LINGO2: variants seen among roughly 807,000 people sequenced by gnomAD.
LINGO2 encodes the protein leucine rich repeat and Ig domain containing 2, also known as leucine-rich repeat and immunoglobulin-like domain-containing nogo receptor-interacting protein 2.
LINGO2 carries 14 observed loss-of-function variants against 30.6 expected under a neutral mutation model. That is an observed-to-expected ratio of 0.46 (90% CI 0.30 to 0.72). The LOEUF is 0.72. LINGO2 is among the 30% of genes least tolerant of loss of function. LINGO2 has a pLI of 0.07. For missense variants in LINGO2, 729 were observed against 751.7 expected (o/e 0.97, Z 0.35); for synonymous variants, 317 against 288.5 (o/e 1.10, Z -1.00).
At chr9:28,518,076 G>A (rs1391262743) in intron 1 of LINGO2, among the ~76,000 whole-genome samples, 2 of 152,110 alleles carry the variant, frequency 1.3e-5, no homozygotes, top group African/African-American at 4.8e-5. Context: ...AAAATGTGAT[G>A]TATGGAGCAG....
At chr9:29,207,706 GT>G in the LINGO2 span, among the ~76,000 whole-genome samples, 1 of 151,962 alleles carries the variant, frequency 6.6e-6, no homozygotes, top group Admixed American at 6.6e-5. Context: ...TACACTTATA[GT>G]TTTTACTGAC....
chr9:28,065,032 T>C (rs1197921563), intron 4 of LINGO2, among the ~76,000 whole-genome samples: 4 of 151,564 alleles, frequency 2.6e-5, no homozygotes, highest in Non-Finnish European at 5.9e-5. Context: ...TTCCTACACA[T>C]GCTGCTTGAG....
chr9:28,467,225 C>G (rs1403903806), intron 2 of LINGO2, among the ~76,000 whole-genome samples: 1 of 152,044 alleles, frequency 6.6e-6, no homozygotes, highest in African/African-American at 2.4e-5. Flanking sequence ...TGGGGTTTCA[C>G]CGTGTTAGCC....
intron 1 of LINGO2, among the ~76,000 whole-genome samples, chr9:28,494,554 T>A (rs544700581): frequency 0.022 from 3,279 of 152,296 alleles, 104 homozygotes; most frequent in East Asian, 0.099. Flanking sequence ...AACTCATCCT[T>A]TTTTATGGCT....
chr9:27,971,302 T>A (rs1184909957), intron 5 of LINGO2, among the ~76,000 whole-genome samples: 1 of 152,004 alleles, frequency 6.6e-6, no homozygotes, highest in Non-Finnish European at 1.5e-5. Flanking sequence ...CATCTTTCCC[T>A]CTCACCCAAA....
At chr9:28,279,879 C>T (rs1823258410) in intron 4 of LINGO2, among the ~76,000 whole-genome samples, 1 of 152,044 alleles carries the variant, frequency 6.6e-6, no homozygotes, top group Non-Finnish European at 1.5e-5. Flanking sequence ...TAGAATACAC[C>T]ATATTCATAT....
At chr9:28,366,181 G>C (rs921332935) in intron 3 of LINGO2, among the ~76,000 whole-genome samples, 1 of 152,134 alleles carries the variant, frequency 6.6e-6, no homozygotes, top group Admixed American at 6.5e-5. Flanking sequence ...TTCCCTGGTG[G>C]TTGTTGCATC....
intron 2 of LINGO2, among the ~76,000 whole-genome samples, chr9:28,412,673 A>T (rs975725572): frequency 6.6e-6 from 1 of 152,248 alleles, no homozygotes; most frequent in South Asian, 2.1e-4. Flanking sequence ...TGGATTTTTA[A>T]GAGTTTTTAT....
chr9:28,729,421 GA>G, the LINGO2 span, among the ~76,000 whole-genome samples: 2 of 151,682 alleles, frequency 1.3e-5, no homozygotes, highest in East Asian at 1.9e-4. Flanking sequence ...AGAAACAGAG[GA>G]AAAAAATCTC....
At chr9:28,435,053 A>T (rs1182564812) in intron 2 of LINGO2, among the ~76,000 whole-genome samples, 1 of 152,130 alleles carries the variant, frequency 6.6e-6, no homozygotes, top group African/African-American at 2.4e-5. Context: ...TCTTTAGCAG[A>T]GTTAACTTTT....
At chr9:28,756,785 C>A in the LINGO2 span, among the ~76,000 whole-genome samples, 89 of 151,948 alleles carry the variant, frequency 5.9e-4, no homozygotes, top group East Asian at 4.5e-3. Flanking sequence ...GTAAGACATG[C>A]CTTCTTCCCC....
chr9:28,546,352 T>G (rs1249335478), intron 1 of LINGO2, among the ~76,000 whole-genome samples: 1 of 152,040 alleles, frequency 6.6e-6, no homozygotes, highest in Non-Finnish European at 1.5e-5. Context: ...TTCAGCAATG[T>G]AGACCAAATT....
chr9:28,278,657 T>C (rs1440534881), intron 4 of LINGO2, among the ~76,000 whole-genome samples: 1 of 152,186 alleles, frequency 6.6e-6, no homozygotes, highest in Non-Finnish European at 1.5e-5. Flanking sequence ...GAAAGAAAGA[T>C]TCCTTACAAA....
the LINGO2 span, among the ~76,000 whole-genome samples, chr9:29,209,318 G>A: frequency 1.3e-5 from 2 of 151,908 alleles, no homozygotes; most frequent in Non-Finnish European, 2.9e-5. Flanking sequence ...CTGATGACTC[G>A]AACTCCCTAA....
At chr9:28,004,601 A>G (rs755838713) in intron 5 of LINGO2, among the ~76,000 whole-genome samples, 1 of 151,848 alleles carries the variant, frequency 6.6e-6, no homozygotes, top group Admixed American at 6.5e-5. Context: ...ATATCAACTA[A>G]TAGTTGATAA....
At chr9:28,367,963 A>G (rs1820742380) in intron 3 of LINGO2, among the ~76,000 whole-genome samples, 1 of 151,830 alleles carries the variant, frequency 6.6e-6, no homozygotes, top group Admixed American at 6.6e-5. Context: ...GTAACTTCCA[A>G]TATGCTTCAA....
chr9:28,212,770 A>G (rs865910893), intron 4 of LINGO2, among the ~76,000 whole-genome samples: 1 of 151,608 alleles, frequency 6.6e-6, no homozygotes, highest in Middle Eastern at 3.4e-3. Flanking sequence ...CAAAAGCCAC[A>G]TGAGGTTAGT....
chr9:28,924,146 T>C, the LINGO2 span, among the ~76,000 whole-genome samples: 1 of 152,192 alleles, frequency 6.6e-6, no homozygotes, highest in African/African-American at 2.4e-5. Context: ...TTAACTCCCC[T>C]GGTTTCTTTC....
At chr9:28,234,992 G>A (rs1821508498) in intron 4 of LINGO2, among the ~76,000 whole-genome samples, 1 of 152,284 alleles carries the variant, frequency 6.6e-6, no homozygotes, top group African/African-American at 2.4e-5. Flanking sequence ...TCCAATCCCT[G>A]GCTTCCACAC....
Sources: gnomAD v4.1 joint callset for allele counts (sites outside exome capture counted in the v4.1 genomes callset) on GRCh38, gnomAD v4.1.1 for gene constraint, MANE v1.5 for transcripts, NCBI Gene and HGNC (gene_info 2026-07-23, HGNC 2026-07-21) for gene names.